TP53BP2: variants seen among roughly 807,000 people sequenced by gnomAD.
TP53BP2 encodes the protein tumor protein p53 binding protein 2.
In TP53BP2, 62 loss-of-function variants were observed where a neutral mutation model predicts 126.2. The ratio of observed to expected loss-of-function variants is 0.49; its 90% confidence interval spans 0.40 to 0.61. The LOEUF (loss-of-function observed/expected upper bound fraction) is 0.61, where lower values mean the gene tolerates loss of function less well. TP53BP2 is among the 20% of genes least tolerant of loss of function. The pLI, the probability that TP53BP2 is intolerant of heterozygous loss-of-function variation, is 0.00. For missense variants in TP53BP2, 1,215 were observed against 1,402.8 expected (o/e 0.87, Z 2.14); for synonymous variants, 485 against 502.9 (o/e 0.96, Z 0.48).
Position 223,803,444 on chromosome 1 carries a change from T to A in TP53BP2, c.658A>T (p.Ile220Phe). Residue 220 changes from isoleucine (I) to phenylalanine (F), a missense_variant, in exon 7 of 18, where the codon ATT (isoleucine) becomes TTT (phenylalanine). By Grantham distance (21) the Ile-to-Phe change is conservative. This residue lies in a region of TP53BP2 where 814 missense variants were observed against 853.0 expected (regional missense o/e 0.95). Coordinates refer to ENST00000343537, the MANE Select transcript of TP53BP2 (RefSeq NM_001031685.3). ...TGGAACAAATTATTCATCTGTTCAATTTCCTCCACTAGATGAGACAGAGAA... is the reference window on the plus strand; with the variant it reads ...TGGAACAAATTATTCATCTGTTCAAATTCCTCCACTAGATGAGACAGAGAA... The part of the protein sequence containing the change: ...RLSNGKLVEE[I>F]EQMNNLFQQK... The A allele has an allele frequency of 1.2e-6, 2 of 1,611,292 alleles. No homozygotes were observed. Among genetic ancestry groups the A allele is most frequent in the Non-Finnish European group, 1.7e-6 (2 of 1,178,522 alleles).
At chr1:223,833,968 G>A (rs1284777065) in intron 1 of TP53BP2, among the ~76,000 whole-genome samples, 2 of 152,186 alleles carry the variant, frequency 1.3e-5, no homozygotes, top group African/African-American at 4.8e-5. Context: ...ACACCTCAGG[G>A]TGAAGGGGAC....
intron 15 of TP53BP2, among the ~76,000 whole-genome samples, chr1:223,791,516 C>G (rs1018039622): frequency 6.6e-6 from 1 of 152,004 alleles, no homozygotes; most frequent in Non-Finnish European, 1.5e-5. Context: ...AAAGGGAGAC[C>G]GTCACAATAA....
rs759268532 is a variant in TP53BP2, at chr1:223,802,728, T to C, written c.996+3A>G. The C allele has an allele frequency of 3.1e-6, 5 of 1,614,038 alleles. No homozygotes were observed. The East Asian group carries it at 1.1e-4, about 36-fold the overall frequency. On this transcript the variant is annotated splice_donor_region_variant and intron_variant, in intron 8 of 17. Transcript: ENST00000343537. ...CAAAACCATTACAAAACGGCCCACT[T>C]ACTGGTAGATTTTCTTTTTGCTGTA...
At chr1:223,802,064 G>A (rs886286096) in intron 9 of TP53BP2, 52 bp downstream of exon 9, 4 of 1,517,282 alleles carry the variant, frequency 2.6e-6, no homozygotes, top group Admixed American at 4.0e-5. Flanking sequence ...ACTCAAACTT[G>A]GGAGAAAGAA....
At chr1:223,798,761 T>A in intron 11 of TP53BP2, 84 bp from the exon 12 acceptor site, 2 of 1,155,054 alleles carry the variant, frequency 1.7e-6, no homozygotes, top group Non-Finnish European at 2.5e-6. Context: ...TTCACAAATG[T>A]AAATATACAC....
chr1:223,801,334 G>T (rs539014355), intron 9 of TP53BP2, among the ~76,000 whole-genome samples: 1 of 152,220 alleles, frequency 6.6e-6, no homozygotes, highest in South Asian at 2.1e-4. Context: ...ATAAAATCCA[G>T]ACTGCATGGT....
At chr1:223,787,479 G>A (rs1292446646) in intron 16 of TP53BP2, among the ~76,000 whole-genome samples, 1 of 152,032 alleles carries the variant, frequency 6.6e-6, no homozygotes, top group African/African-American at 2.4e-5. Context: ...GGGCATGGTG[G>A]CTCACACCTG....
intron 1 of TP53BP2, among the ~76,000 whole-genome samples, chr1:223,843,130 C>T (rs989949058): frequency 6.6e-6 from 1 of 151,974 alleles, no homozygotes; most frequent in Non-Finnish European, 1.5e-5. Context: ...AAGAAAACCA[C>T]TTGATCCTGT....
At chr1:223,831,481 ATATATATATAT>A (rs1318452732) in intron 1 of TP53BP2, among the ~76,000 whole-genome samples, 1,108 of 35,466 alleles carry the variant, frequency 0.031, 88 homozygotes, top group African/African-American at 0.07. Flanking sequence ...AAAAAAAAAA[ATATATATATAT>A]ATATATATAT....
At chr1:223,814,173 C>T in intron 3 of TP53BP2, 67 bp downstream of exon 3, 2 of 1,173,292 alleles carry the variant, frequency 1.7e-6, no homozygotes, top group Non-Finnish European at 1.3e-6. Context: ...TCATCATGTG[C>T]CACCTACTAC....
At position 223,798,305 on chromosome 1, in the gene TP53BP2, T is replaced by C; in HGVS notation, c.1858A>G (p.Thr620Ala). The C allele has an allele frequency of 6.2e-7, 1 of 1,614,142 alleles. No homozygotes were observed. Among genetic ancestry groups the C allele is most frequent in the Non-Finnish European group, 8.5e-7 (1 of 1,180,022 alleles). Residue 620 changes from threonine (T) to alanine (A), a missense_variant, in exon 12 of 18, where the codon ACG (threonine) becomes GCG (alanine). Physicochemically the swap from Thr to Ala is moderately conservative, Grantham distance 58. Transcript: ENST00000343537. ...TTTTTTCCTGGCGCCTGCTGTTGCG[T>C]ATACATGGAATATATTGAACTTGCT... is the stretch of plus-strand genomic sequence containing the variant. ...VAASSIYSMY[T>A]QQQAPGKNFQ...
chr1:223,844,375 C>A (rs73114482), intron 1 of TP53BP2, among the ~76,000 whole-genome samples: 3,001 of 152,278 alleles, frequency 0.02, 105 homozygotes, highest in African/African-American at 0.067. Flanking sequence ...GTTTCTCTTG[C>A]TCCTACTGTT....
chr1:223,814,846 A>C (rs1050655841), intron 2 of TP53BP2, among the ~76,000 whole-genome samples: 5 of 152,188 alleles, frequency 3.3e-5, no homozygotes, highest in African/African-American at 1.2e-4. Context: ...ATTTAAAAAA[A>C]TCAGACCCAT....
At position 223,789,011 on chromosome 1, in the gene TP53BP2, A is replaced by G. The variant is rs1313495800; in HGVS notation, c.3160T>C (p.Tyr1054His). ...TTTAGTTCTACTTGTCACATACCAT[A>G]AAGAAATTGGGAGCACTGAGTGTAG... ...EGYTQCSQFL[Y>H]GVQEKMGIMN... The change falls in exon 16 of 18, where the codon TAT (tyrosine) becomes CAT (histidine). Residue 1054 changes from tyrosine to histidine, a missense_variant. Physicochemically the swap from Tyr to His is moderately conservative, Grantham distance 83. Around this residue, in one of 4 missense-constraint regions of TP53BP2, gnomAD observed 151 missense variants for 231.2 expected, o/e 0.65. Transcript: ENST00000343537. The G allele has an allele frequency of 2.5e-6, 4 of 1,613,796 alleles. No individual in the cohort carries two copies. The highest frequency in any genetic ancestry group is 1.1e-5 in the South Asian group (1 of 91,040).
At chr1:223,812,357 C>T (rs775753880) in intron 3 of TP53BP2, among the ~76,000 whole-genome samples, 1 of 152,128 alleles carries the variant, frequency 6.6e-6, no homozygotes, top group East Asian at 1.9e-4. Flanking sequence ...TAGACACTTG[C>T]GTTAATGCAA....
chr1:223,837,697 A>G (rs1663970256), intron 1 of TP53BP2, among the ~76,000 whole-genome samples: 1 of 152,118 alleles, frequency 6.6e-6, no homozygotes, highest in Non-Finnish European at 1.5e-5. Flanking sequence ...CACCTTGCCC[A>G]AGTCTTACAC....
intron 16 of TP53BP2, among the ~76,000 whole-genome samples, chr1:223,787,054 G>C (rs982199220): frequency 1.6e-4 from 24 of 151,902 alleles, no homozygotes; most frequent in Admixed American, 5.3e-4. Flanking sequence ...CGCCACCACA[G>C]CTGGCTAATT....
chr1:223,845,238 G>C, intron 1 of TP53BP2: 1 of 985,146 alleles, frequency 1.0e-6, no homozygotes, highest in Non-Finnish European at 1.2e-6. Context: ...AAAGGTACCC[G>C]TTCCAGTAAC....
chr1:223,803,631 C>T (rs1243001710), intron 6 of TP53BP2, among the ~76,000 whole-genome samples, 179 bp from the exon 7 acceptor site: 1 of 152,228 alleles, frequency 6.6e-6, no homozygotes, highest in Non-Finnish European at 1.5e-5. Context: ...ATCTCTAAAT[C>T]TCTGTGCTTC....
Sources: gnomAD v4.1 joint callset for allele counts (sites outside exome capture counted in the v4.1 genomes callset) on GRCh38, gnomAD v4.1.1 for gene constraint, gnomAD v4.1.1 regional missense constraint, MANE v1.5 for transcripts, NCBI Gene and HGNC (gene_info 2026-07-23, HGNC 2026-07-21) for gene names.